The following BNC2 variants were observed in gnomAD, a reference collection of about 807,000 sequenced individuals.
The protein encoded by BNC2 is zinc finger protein basonuclin-2.
In BNC2, 20 loss-of-function variants were observed where a neutral mutation model predicts 76.3. The ratio of observed to expected loss-of-function variants is 0.26; its 90% CI spans 0.18 to 0.38. BNC2 has a LOEUF of 0.38. BNC2 is among the 10% of genes least tolerant of loss of function. BNC2 has a pLI of 1.00. For missense variants in BNC2, 1,382 were observed against 1,399.8 expected, an observed-to-expected ratio of 0.99 and a Z score of 0.20; for synonymous variants, 582 against 514.8, an observed-to-expected ratio of 1.13 and a Z score of -1.77.
At chr9:16,864,901 G>C in intron 1 of BNC2, among the ~76,000 whole-genome samples, 1 of 151,990 alleles carries the variant, frequency 6.6e-6, no homozygotes. Flanking sequence ...GAAGGAGCTT[G>C]GTAATCCACA....
intron 5 of BNC2, among the ~76,000 whole-genome samples, chr9:16,506,556 A>C (rs1587109881): frequency 4.7e-5 from 5 of 105,690 alleles, no homozygotes; most frequent in African/African-American, 1.2e-4. Context: ...ACGGAATCTC[A>C]CCTTGTCGCC....
chr9:16,525,025 ATAGC>A (rs1360483983), intron 5 of BNC2, among the ~76,000 whole-genome samples: 1 of 145,504 alleles, frequency 6.9e-6, no homozygotes, highest in African/African-American at 2.5e-5. Flanking sequence ...GTGAGCTGTG[ATAGC>A]GCCACTGCAC....
chr9:16,848,239 G>A (rs1293252560), intron 1 of BNC2, among the ~76,000 whole-genome samples: 1 of 152,170 alleles, frequency 6.6e-6, no homozygotes, highest in Non-Finnish European at 1.5e-5. Flanking sequence ...AAAGGAGGCA[G>A]ACTTCAAGTC....
intron 1 of BNC2, among the ~76,000 whole-genome samples, chr9:16,832,801 C>T (rs144824977): frequency 0.023 from 3,469 of 152,100 alleles, 122 homozygotes; most frequent in African/African-American, 0.079. Flanking sequence ...TCTCGGCTTA[C>T]TGCAACCCCC....
chr9:16,777,993 G>C (rs1826016977), intron 1 of BNC2, among the ~76,000 whole-genome samples: 1 of 152,084 alleles, frequency 6.6e-6, no homozygotes, highest in Non-Finnish European at 1.5e-5. Flanking sequence ...TACTTCCAAA[G>C]CCACACTAAC....
At chr9:16,676,700 C>G (rs1392678863) in intron 3 of BNC2, among the ~76,000 whole-genome samples, 1 of 152,118 alleles carries the variant, frequency 6.6e-6, no homozygotes, top group Non-Finnish European at 1.5e-5. Flanking sequence ...GCTGCCTAAG[C>G]AGATGCTAAG....
At chr9:16,588,320 T>C (rs1819829410) in intron 3 of BNC2, among the ~76,000 whole-genome samples, 1 of 152,226 alleles carries the variant, frequency 6.6e-6, no homozygotes, top group Non-Finnish European at 1.5e-5. Context: ...CTCCAACACC[T>C]TGCAAATTGC....
At chr9:16,868,709 A>T (rs1002464426) in intron 1 of BNC2, among the ~76,000 whole-genome samples, 14 of 152,204 alleles carry the variant, frequency 9.2e-5, no homozygotes, top group Admixed American at 6.5e-4. Flanking sequence ...CACTCTGGGA[A>T]CTAAGAACTT....
chr9:16,643,665 T>C (rs1332328916), intron 3 of BNC2, among the ~76,000 whole-genome samples: 1 of 152,170 alleles, frequency 6.6e-6, no homozygotes, highest in African/African-American at 2.4e-5. Flanking sequence ...AGAAATTATA[T>C]TCTAAGCATG....
intron 5 of BNC2, among the ~76,000 whole-genome samples, chr9:16,498,473 G>A (rs1244261095): frequency 3.3e-5 from 5 of 150,704 alleles, no homozygotes; most frequent in African/African-American, 2.4e-5. Context: ...CTATGAGGAC[G>A]CAAACACCTA....
intron 1 of BNC2, among the ~76,000 whole-genome samples, chr9:16,854,795 A>G (rs935657961): frequency 1.3e-5 from 2 of 151,944 alleles, no homozygotes; most frequent in African/African-American, 2.4e-5. Context: ...AAATTTGTCT[A>G]TCACAAGGGC....
chr9:16,576,581 T>C (rs1453927279), intron 4 of BNC2, among the ~76,000 whole-genome samples: 1 of 152,208 alleles, frequency 6.6e-6, no homozygotes. Context: ...AATAAAGACA[T>C]GTGAACTTTC....
chr9:16,423,136 A>T (rs1293573301), intron 6 of BNC2, among the ~76,000 whole-genome samples: 1 of 152,216 alleles, frequency 6.6e-6, no homozygotes, highest in African/African-American at 2.4e-5. Flanking sequence ...AAAGAATCCA[A>T]CAAGGAACCA....
At chr9:16,484,955 G>C (rs949489767) in intron 5 of BNC2, among the ~76,000 whole-genome samples, 36 of 152,136 alleles carry the variant, frequency 2.4e-4, no homozygotes, top group African/African-American at 7.7e-4. Flanking sequence ...CAGGGAGCTT[G>C]AATGTTTGTT....
Position 16,624,194 on chromosome 9 carries a change from C to T in BNC2, c.331-41109G>A, listed in dbSNP as rs577597154. On this transcript the variant is annotated intron_variant, in intron 3 of 6. Transcript: ENST00000380672. ...CTTCATGTGTTATTAATAAGCTAGA[C>T]GAAGTATTTATATTAATGGCCATAC... 2.4e-4 allele frequency among the ~76,000 whole-genome samples: 36 copies of T among 152,196 alleles called. No individual in the cohort carries two copies. In the South Asian group the frequency reaches 3.9e-3, roughly 17 times the overall value.
chr9:16,762,064 C>T (rs1377061822), intron 1 of BNC2, among the ~76,000 whole-genome samples: 11 of 152,144 alleles, frequency 7.2e-5, no homozygotes, highest in Admixed American at 7.2e-4. Context: ...AGATAAAGGA[C>T]AGGGTAGGTT....
intron 5 of BNC2, among the ~76,000 whole-genome samples, chr9:16,468,761 A>T (rs1821751813): frequency 6.6e-6 from 1 of 152,150 alleles, no homozygotes; most frequent in African/African-American, 2.4e-5. Flanking sequence ...CTCCAAGCTG[A>T]GGTTTAAGAG....
chr9:16,527,182 T>A (rs1197489228), intron 5 of BNC2, among the ~76,000 whole-genome samples: 1 of 152,218 alleles, frequency 6.6e-6, no homozygotes, highest in African/African-American at 2.4e-5. Context: ...TGGCTTCTCA[T>A]TCTTAAGCTT....
chr9:16,647,242 G>A (rs1033856008), intron 3 of BNC2, among the ~76,000 whole-genome samples: 7 of 152,172 alleles, frequency 4.6e-5, no homozygotes, highest in East Asian at 3.9e-4. Flanking sequence ...TTGCTGACTC[G>A]GGTGTCCCTT....
Sources: gnomAD v4.1 joint callset for allele counts (sites outside exome capture counted in the v4.1 genomes callset) on GRCh38, gnomAD v4.1.1 for gene constraint, MANE v1.5 for transcripts, NCBI Gene and HGNC (gene_info 2026-07-23, HGNC 2026-07-21) for gene names.